The following TBC1D30 variants were observed in gnomAD, a reference collection of about 807,000 sequenced individuals.
TBC1D30 encodes TBC1 domain family member 30.
TBC1D30 carries 31 observed loss-of-function variants against 63.2 expected under a neutral mutation model. The ratio of observed to expected loss-of-function variants is 0.49; its 90% CI spans 0.37 to 0.66. The LOEUF is 0.66. TBC1D30 is among the 30% of genes least tolerant of loss of function. TBC1D30 has a pLI of 0.00. For synonymous variants in TBC1D30, 307 were observed against 361.5 expected (o/e 0.85, Z 1.71); for missense variants, 810 against 953.6 (o/e 0.85, Z 1.98).
At chr12:64,800,463 T>G (rs1872537591) in intron 2 of TBC1D30, among the ~76,000 whole-genome samples, 1 of 151,176 alleles carries the variant, frequency 6.6e-6, no homozygotes, top group African/African-American at 2.4e-5. Context: ...GCTCGTAGAG[T>G]CGATGGGCCC....
In TBC1D30 at chr12:64,878,315, A is replaced by G. The variant is rs957848621; in HGVS notation, c.*2527A>G. ...GTAGCCTCTACCACACAGCATGTAC[A>G]AAGACCAGTATGGACTTGCTATCTT... On this transcript the variant is annotated 3_prime_UTR_variant, in exon 12 of 12. Coordinates refer to ENST00000539867, the MANE Select transcript of TBC1D30 (RefSeq NM_015279.2). The G allele has an allele frequency of 2.6e-6, 1 of 382,618 alleles. No homozygotes were observed. The highest frequency in any genetic ancestry group is 2.1e-5 in the African/African-American group (1 of 47,602). The allele number at this position is 382,618 out of a possible 1,614,324, so 23.7% of individuals were successfully genotyped here. A position where few individuals can be genotyped will look rare whatever the true frequency, so the allele number is the denominator to read the frequency against.
intron 8 of TBC1D30, among the ~76,000 whole-genome samples, chr12:64,855,870 T>A (rs1877254275): frequency 6.6e-6 from 1 of 152,244 alleles, no homozygotes; most frequent in South Asian, 2.1e-4. Context: ...TTCTCTTGTG[T>A]CTGGACATTG....
At chr12:64,841,224 G>C (rs1184477011) in intron 7 of TBC1D30, among the ~76,000 whole-genome samples, 1 of 152,168 alleles carries the variant, frequency 6.6e-6, no homozygotes, top group Non-Finnish European at 1.5e-5. Context: ...CTTATATATG[G>C]TGATCCAGGA....
At chr12:64,824,360 C>G (rs770463542), upstream of TBC1D30, among the ~76,000 whole-genome samples, 1 of 152,192 alleles carries the variant, frequency 6.6e-6, no homozygotes, top group African/African-American at 2.4e-5. Context: ...AGGATGCTTG[C>G]CCTTACGGGT....
At chr12:64,874,888 C>A in intron 11 of TBC1D30, 113 bp from the exon 12 acceptor site, 1 of 1,004,900 alleles carries the variant, frequency 1.0e-6, no homozygotes, top group Non-Finnish European at 1.4e-6. Flanking sequence ...CTGGGGAACA[C>A]ATGGGAAGGG....
intron 2 of TBC1D30, among the ~76,000 whole-genome samples, chr12:64,801,397 T>C (rs1410251800): frequency 6.6e-6 from 1 of 152,156 alleles, no homozygotes; most frequent in Non-Finnish European, 1.5e-5. Context: ...GGGGTAGGCT[T>C]AGCGCTTATG....
intron 2 of TBC1D30, chr12:64,787,287 C>T: frequency 5.5e-6 from 4 of 726,724 alleles, no homozygotes; most frequent in Non-Finnish European, 6.7e-6. Flanking sequence ...TTAAAATTCT[C>T]CATGCAATAG....
At chr12:64,844,645 CACTA>C (rs1300288049) in intron 8 of TBC1D30, among the ~76,000 whole-genome samples, 1 of 152,200 alleles carries the variant, frequency 6.6e-6, no homozygotes, top group Non-Finnish European at 1.5e-5. Flanking sequence ...TTTTTGTACC[CACTA>C]ACTATCTCTT....
rs1879367350 is a variant in TBC1D30, at chr12:64,880,159, G to A, written c.*4371G>A. 6.6e-6 allele frequency: 1 copy of A among 152,330 alleles called. No individual in the cohort carries two copies. Among genetic ancestry groups the A allele is most frequent in the Non-Finnish European group, 1.5e-5 (1 of 68,102 alleles). The allele number at this position is 152,330 out of a possible 1,614,324, so 9.4% of individuals were successfully genotyped here. A position where few individuals can be genotyped will look rare whatever the true frequency, so the allele number is the denominator to read the frequency against. On this transcript the variant is annotated 3_prime_UTR_variant, in exon 12 of 12. Coordinates refer to ENST00000539867, the MANE Select transcript of TBC1D30 (RefSeq NM_015279.2). ...ACAGTCATAGAGCCACCAGGATACA[G>A]TGATGGATGGGAGGCCTTTGCTGGA... is the stretch of plus-strand genomic sequence containing the variant.
chr12:64,855,827 T>C (rs893885416), intron 8 of TBC1D30, among the ~76,000 whole-genome samples: 4 of 152,198 alleles, frequency 2.6e-5, no homozygotes, highest in African/African-American at 7.2e-5. Flanking sequence ...GGTGAGGTCA[T>C]GTTTTCCTGG....
At position 64,871,389 on chromosome 12, in the gene TBC1D30, G is replaced by A. The variant is rs1233108534; in HGVS notation, c.1498+581G>A. 2.0e-5 allele frequency among the ~76,000 whole-genome samples: 3 copies of A among 152,302 alleles called. No individual in the cohort carries two copies. The East Asian group carries it at 5.8e-4, about 29-fold the overall frequency. On this transcript the variant is annotated intron_variant, in intron 11 of 11. Coordinates refer to ENST00000539867, the MANE Select transcript of TBC1D30 (RefSeq NM_015279.2). The stretch of plus-strand genomic sequence containing the variant: ...TTTCTTTTTAATTCCAAAAATCCCA[G>A]TGAACAGTCTGCTTTATTGTTTAAT...
rs1443025659 is a variant in TBC1D30 at position 64,838,858 on chromosome 12, G to T, written c.932+7G>T. The T allele has an allele frequency of 4.6e-6, 7 of 1,535,784 alleles. No homozygotes were observed. The African/African-American group carries it at 5.5e-5, about 12-fold the overall frequency. On this transcript the variant is annotated splice_region_variant and intron_variant, in intron 7 of 11. Coordinates refer to ENST00000539867, the MANE Select transcript of TBC1D30 (RefSeq NM_015279.2). ...TCTGGGCAAAATTAGGAGAGTAAGT[G>T]ATTTCCACCTTCTGCTCTGTTCTGT...
chr12:64,838,866 C>T lies in TBC1D30; in HGVS notation c.932+15C>T, dbSNP rs1014173328. 5 of 1,535,478 alleles carry T rather than the reference C, an allele frequency of 3.3e-6. No homozygotes were observed. The African/African-American group carries it at 6.8e-5, about 21-fold the overall frequency. Reference sequence around the variant, plus strand: ...AAATTAGGAGAGTAAGTGATTTCCACCTTCTGCTCTGTTCTGTGATGTTGA... The same window carrying T: ...AAATTAGGAGAGTAAGTGATTTCCATCTTCTGCTCTGTTCTGTGATGTTGA... On this transcript the variant is annotated intron_variant, in intron 7 of 11. Transcript: ENST00000539867.
intron 2 of TBC1D30, among the ~76,000 whole-genome samples, chr12:64,810,704 G>C (rs1256520323): frequency 6.6e-6 from 1 of 152,194 alleles, no homozygotes; most frequent in Non-Finnish European, 1.5e-5. Flanking sequence ...GAGAGAAGCT[G>C]TAGCATGAAA....
At chr12:64,827,766 T>C (rs1398168128) in intron 1 of TBC1D30, 69 bp from the exon 2 acceptor site, 2 of 1,061,322 alleles carry the variant, frequency 1.9e-6, no homozygotes, top group Non-Finnish European at 2.7e-6. Flanking sequence ...ATCAAGCTTT[T>C]ACTAGTATTT....
At chr12:64,826,831 G>C (rs1338984602) in intron 1 of TBC1D30, among the ~76,000 whole-genome samples, 1 of 152,124 alleles carries the variant, frequency 6.6e-6, no homozygotes, top group Non-Finnish European at 1.5e-5. Flanking sequence ...GCTCTTCCAG[G>C]GTTCCAAGAA....
chr12:64,781,012 C>T, exon 1 of TBC1D30: 8 of 1,036,486 alleles, frequency 7.7e-6, no homozygotes, highest in African/African-American at 1.7e-5. Context: ...CGGAGCCCGG[C>T]GAGGCGTGCG....
At chr12:64,819,254 T>C (rs1036812049) in intron 2 of TBC1D30, among the ~76,000 whole-genome samples, 3 of 152,258 alleles carry the variant, frequency 2.0e-5, no homozygotes, top group African/African-American at 7.2e-5. Flanking sequence ...ATGTCCCATG[T>C]AGGTAATGTG....
At chr12:64,867,019 A>C in intron 10 of TBC1D30, 116 bp downstream of exon 10, 1 of 1,161,890 alleles carries the variant, frequency 8.6e-7, no homozygotes, top group Non-Finnish European at 1.2e-6. Context: ...AACTATTAAA[A>C]GTCTTTATTA....
Sources: allele counts gnomAD v4.1 joint callset (sites outside exome capture counted in the v4.1 genomes callset), GRCh38; gene constraint gnomAD v4.1.1; transcripts MANE v1.5; gene names NCBI Gene and HGNC (gene_info 2026-07-23, HGNC 2026-07-21).